CEP128: variants seen among roughly 807,000 people sequenced by gnomAD.
CEP128 encodes the protein centrosomal protein 128kDa.
In CEP128, 132 loss-of-function variants were observed where a neutral mutation model predicts 156.7. The observed-to-expected ratio is 0.84, with a 90% CI of 0.73 to 0.97. The LOEUF (loss-of-function observed/expected upper bound fraction) is 0.97. CEP128 is among the 50% of genes least tolerant of loss of function. The pLI, the probability that CEP128 is intolerant of heterozygous loss-of-function variation, is 0.00. For synonymous variants in CEP128, 469 were observed against 448.9 expected (o/e 1.04, Z -0.57); for missense variants, 1,252 against 1,281.9 (o/e 0.98, Z 0.36).
intron 15 of CEP128, among the ~76,000 whole-genome samples, chr14:80,779,622 T>C (rs1900993383): frequency 6.6e-6 from 1 of 152,052 alleles, no homozygotes; most frequent in Non-Finnish European, 1.5e-5. Context: ...ACTTCACCCC[T>C]CCCCAATGAT....
intron 19 of CEP128, among the ~76,000 whole-genome samples, chr14:80,630,994 A>T (rs543343379): frequency 5.9e-5 from 9 of 152,138 alleles, no homozygotes; most frequent in Non-Finnish European, 1.2e-4. Context: ...TCAAAGGGTA[A>T]TTTTTATCTT....
At chr14:80,594,145 C>G (rs896811307) in intron 19 of CEP128, among the ~76,000 whole-genome samples, 5 of 152,132 alleles carry the variant, frequency 3.3e-5, no homozygotes, top group Admixed American at 3.3e-4. Flanking sequence ...TGGAACAGAA[C>G]AGAGGCCTCA....
At position 80,497,042 on chromosome 14, in the gene CEP128, T is replaced by C. The variant is rs527410196; in HGVS notation, c.*437A>G. The C allele has an allele frequency of 4.3e-3, 650 of 150,214 alleles. 4 individuals are homozygous for C. The highest frequency in any genetic ancestry group is 0.015 in the African/African-American group (608 of 39,648). The allele number at this position is 150,214 out of a possible 1,614,324, so 9.3% of individuals were successfully genotyped here. ...ACATGATAATTTATTAGGGAGAAAA[T>C]TTTTCAAAAAATCAGTTGTATATAA... is the stretch of plus-strand genomic sequence containing the variant. On this transcript the variant is annotated 3_prime_UTR_variant, in exon 25 of 25. Transcript: ENST00000555265.
intron 19 of CEP128, among the ~76,000 whole-genome samples, chr14:80,619,556 G>C (rs1387866918): frequency 6.6e-6 from 1 of 151,426 alleles, no homozygotes; most frequent in Non-Finnish European, 1.5e-5. Flanking sequence ...AAAAAAATTA[G>C]CCAGGTGTGG....
chr14:80,550,999 T>C (rs1332047315), intron 21 of CEP128, among the ~76,000 whole-genome samples: 2 of 152,170 alleles, frequency 1.3e-5, no homozygotes, highest in African/African-American at 2.4e-5. Context: ...TCACAAATCT[T>C]GTTCACATAA....
At chr14:80,492,145 C>T (rs983115561), downstream of CEP128, among the ~76,000 whole-genome samples, 1 of 152,158 alleles carries the variant, frequency 6.6e-6, no homozygotes, top group Non-Finnish European at 1.5e-5. Flanking sequence ...AATTTTAAAA[C>T]AGATGTGCAA....
intron 19 of CEP128, among the ~76,000 whole-genome samples, chr14:80,646,531 TTAATGAATAGTATGATAAA>T (rs143933678): frequency 0.05 from 7,668 of 152,060 alleles, 614 homozygotes; most frequent in African/African-American, 0.18. Context: ...TAATATATCT[TTAATGAATAGTATGATAAA>T]TGATTTGCCT....
At chr14:80,742,751 T>C (rs548006012) in intron 19 of CEP128, 5 of 262,382 alleles carry the variant, frequency 1.9e-5, no homozygotes, top group Non-Finnish European at 2.9e-5. Context: ...GCACAAAATA[T>C]GTATTGAATG....
chr14:80,789,896 T>G (rs1260522890), intron 14 of CEP128, among the ~76,000 whole-genome samples: 2 of 151,968 alleles, frequency 1.3e-5, no homozygotes, highest in Non-Finnish European at 2.9e-5. Flanking sequence ...TGTTTTGTTT[T>G]TTACCTGCAT....
chr14:80,953,156 G>A (rs973136895), intron 2 of CEP128, among the ~76,000 whole-genome samples: 2 of 152,096 alleles, frequency 1.3e-5, no homozygotes, highest in Non-Finnish European at 2.9e-5. Context: ...TGTGATGGAA[G>A]AATTAATTGC....
chr14:80,690,007 G>C (rs73334800), intron 19 of CEP128, among the ~76,000 whole-genome samples: 8,318 of 152,000 alleles, frequency 0.055, 344 homozygotes, highest in African/African-American at 0.12. Flanking sequence ...ATAAGGCATG[G>C]CAATCTTGAA....
chr14:80,495,624 TA>T (rs1887467131), downstream of CEP128, among the ~76,000 whole-genome samples: 1 of 152,032 alleles, frequency 6.6e-6, no homozygotes, highest in Admixed American at 6.6e-5. Context: ...CTCAAGTAAA[TA>T]ATTTGAGTTA....
intron 19 of CEP128, among the ~76,000 whole-genome samples, chr14:80,656,279 TTATATATA>T (rs1375009097): frequency 8.5e-5 from 4 of 47,112 alleles, no homozygotes; most frequent in South Asian, 1.3e-3. Context: ...AAGTTTTTAT[TTATATATA>T]TATTTATATA....
intron 21 of CEP128, among the ~76,000 whole-genome samples, chr14:80,552,785 A>C (rs1213295230): frequency 6.6e-6 from 1 of 152,174 alleles, no homozygotes. Context: ...TTTAGGCAAT[A>C]AGATTTGGAC....
intron 13 of CEP128, among the ~76,000 whole-genome samples, chr14:80,818,895 T>C (rs1252978523): frequency 1.3e-5 from 2 of 152,220 alleles, no homozygotes; most frequent in South Asian, 2.1e-4. Flanking sequence ...CTTTTAAATA[T>C]ATTATTCTGT....
chr14:80,513,386 T>A (rs934617706), intron 23 of CEP128, among the ~76,000 whole-genome samples: 3 of 152,160 alleles, frequency 2.0e-5, no homozygotes, highest in Non-Finnish European at 2.9e-5. Context: ...TTAATCTTGT[T>A]GCTTTTAATT....
chr14:80,696,403 C>G (rs1896893154), intron 19 of CEP128, among the ~76,000 whole-genome samples: 1 of 152,062 alleles, frequency 6.6e-6, no homozygotes, highest in Non-Finnish European at 1.5e-5. Context: ...ATACTTAAAA[C>G]ATCAGGGTAG....
intron 16 of CEP128, among the ~76,000 whole-genome samples, chr14:80,771,163 T>A (rs889403747): frequency 6.6e-6 from 1 of 152,224 alleles, no homozygotes. Flanking sequence ...AACAAAATCA[T>A]TGACGACTCA....
chr14:80,610,827 G>C (rs1176809585), intron 19 of CEP128, among the ~76,000 whole-genome samples: 3 of 152,054 alleles, frequency 2.0e-5, no homozygotes, highest in Non-Finnish European at 4.4e-5. Context: ...ATATTCATAC[G>C]ATGGAGTTTC....
Sources: allele counts gnomAD v4.1 joint callset (sites outside exome capture counted in the v4.1 genomes callset), GRCh38; gene constraint gnomAD v4.1.1; transcripts MANE v1.5; gene names NCBI Gene and HGNC (gene_info 2026-07-23, HGNC 2026-07-21).